The following HEATR5B variants were observed in gnomAD, a reference collection of about 807,000 sequenced individuals.
HEATR5B encodes HEAT repeat-containing protein 5B.
Under a neutral mutation model 224.1 loss-of-function variants are expected in HEATR5B, and 156 were observed. The observed-to-expected ratio is 0.70, with a 90% CI of 0.61 to 0.80. The LOEUF (loss-of-function observed/expected upper bound fraction) is 0.80, where lower values mean the gene tolerates loss of function less well. Ranked by LOEUF, HEATR5B falls within the 30% of genes least tolerant of loss-of-function variation. The pLI, the probability that HEATR5B is intolerant of heterozygous loss-of-function variation, is 0.00. For missense variants in HEATR5B, 2,323 were observed against 2,535.5 expected, an observed-to-expected ratio of 0.92 and a Z score of 1.80; for synonymous variants, 1,027 against 893.0, an observed-to-expected ratio of 1.15 and a Z score of -2.68.
At chr2:37,079,035 G>A (rs1456601674) in intron 3 of HEATR5B, 85 bp downstream of exon 3, 3 of 758,036 alleles carry the variant, frequency 4.0e-6, no homozygotes, top group Non-Finnish European at 6.4e-6. Context: ...CCCACCTGGG[G>A]GTTTTTATGG....
chr2:36,986,346 C>T (rs1572729542), intron 35 of HEATR5B, among the ~76,000 whole-genome samples: 1 of 152,190 alleles, frequency 6.6e-6, no homozygotes, highest in South Asian at 2.1e-4. Context: ...CATAGTAATA[C>T]TTGCTTCTTT....
chr2:37,064,627 T>C, intron 10 of HEATR5B, 113 bp downstream of exon 10: 1 of 985,924 alleles, frequency 1.0e-6, no homozygotes, highest in Non-Finnish European at 1.5e-6. Context: ...TGTTTTATGA[T>C]AACATAGTAC....
At chr2:37,018,087 A>G (rs1296584634) in intron 26 of HEATR5B, among the ~76,000 whole-genome samples, 4 of 152,056 alleles carry the variant, frequency 2.6e-5, no homozygotes, top group Admixed American at 2.0e-4. Context: ...AAGGAAAGGA[A>G]CTTGTAACCT....
intron 30 of HEATR5B, 51 bp downstream of exon 30, chr2:37,005,581 C>A: frequency 6.5e-7 from 1 of 1,549,720 alleles, no homozygotes; most frequent in Non-Finnish European, 8.8e-7. Context: ...CATTGTAAAG[C>A]AATACTCAAA....
intron 5 of HEATR5B, among the ~76,000 whole-genome samples, chr2:37,074,727 A>G (rs1444185673): frequency 6.6e-6 from 1 of 152,258 alleles, no homozygotes; most frequent in Non-Finnish European, 1.5e-5. Context: ...CCAATAAAAC[A>G]ATGGACAAAA....
intron 5 of HEATR5B, among the ~76,000 whole-genome samples, chr2:37,074,766 T>C (rs1482929813): frequency 6.6e-6 from 1 of 152,184 alleles, no homozygotes; most frequent in African/African-American, 2.4e-5. Flanking sequence ...TCGAAGAAGA[T>C]ATGGATGGCA....
Position 36,984,215 on chromosome 2 carries a change from A to AAAAAAAAAAAAAAT in HEATR5B, c.5912-2422_5912-2421insATTTTTTTTTTTTT. On this transcript the variant is annotated intron_variant, in intron 35 of 35. Coordinates refer to ENST00000233099, the MANE Select transcript of HEATR5B (RefSeq NM_019024.3). ...AACTCTGTCTCAAAAAAAAAAAAAAAATATATATATATATATATATATAAA... is the reference window on the plus strand; with the variant it reads ...AACTCTGTCTCAAAAAAAAAAAAAAAAAAAAAAAAAAAATATATATATATATATATATATATAAA... Among the ~76,000 whole-genome samples, 327 of 77,568 alleles carry AAAAAAAAAAAAAAT rather than the reference A, an allele frequency of 4.2e-3. 18 individuals carry two copies. Among genetic ancestry groups the AAAAAAAAAAAAAAT allele is most frequent in the African/African-American group, 0.018 (308 of 16,978 alleles). 50.9% of individuals were successfully genotyped at this position (77,568 alleles called of 152,430 possible). A position where few individuals can be genotyped will look rare whatever the true frequency, so the allele number is the denominator to read the frequency against.
In HEATR5B at chr2:37,083,405, C is replaced by A. The variant is rs372207918; in HGVS notation, c.10G>T (p.Ala4Ser). 3.1e-6 allele frequency: 5 copies of A among 1,612,988 alleles called. No individual in the cohort carries two copies. The highest frequency in any genetic ancestry group is 4.2e-6 in the Non-Finnish European group (5 of 1,179,498). MEL[A>S]HSLLLNEEAL... is the part of the protein sequence containing the mutation. ...TCTTCATTTAGCAATAAACTGTGGG[C>A]TAACTCCATTACGGAAGTTTGAAAT... The change falls in exon 2 of 36, where the codon GCC (alanine) becomes TCC (serine). Residue 4 changes from alanine to serine, a missense_variant. This residue lies in a region of HEATR5B where 292 missense variants were observed against 332.6 expected (regional missense o/e 0.88). Transcript: ENST00000233099.
At chr2:37,018,049 T>C (rs1406154991) in intron 26 of HEATR5B, among the ~76,000 whole-genome samples, 1 of 152,042 alleles carries the variant, frequency 6.6e-6, no homozygotes, top group African/African-American at 2.4e-5. Context: ...GGCTGGGATA[T>C]CATTAAGCCA....
At chr2:36,982,842 T>C (rs1447971816) in intron 35 of HEATR5B, among the ~76,000 whole-genome samples, 1 of 142,034 alleles carries the variant, frequency 7.0e-6, no homozygotes, top group Non-Finnish European at 1.6e-5. Context: ...AAGATACATG[T>C]CTACATATAA....
intron 35 of HEATR5B, among the ~76,000 whole-genome samples, chr2:36,984,880 A>G (rs1388628278): frequency 2.0e-5 from 3 of 152,200 alleles, no homozygotes; most frequent in Non-Finnish European, 4.4e-5. Flanking sequence ...GTGATTAGAT[A>G]TAAGAATAAG....
At chr2:37,065,725 C>T in intron 9 of HEATR5B, 30 bp downstream of exon 9, 1 of 1,582,622 alleles carries the variant, frequency 6.3e-7, no homozygotes, top group Non-Finnish European at 8.6e-7. Context: ...AAAGTGGAAA[C>T]ACATACTAGC....
At chr2:37,003,946 T>C (rs1296531773) in intron 30 of HEATR5B, among the ~76,000 whole-genome samples, 2 of 152,172 alleles carry the variant, frequency 1.3e-5, no homozygotes, top group South Asian at 2.1e-4. Context: ...CATTCTCCTA[T>C]TGGAAGGAAA....
At chr2:37,036,647 GATT>G in intron 21 of HEATR5B, among the ~76,000 whole-genome samples, 1 of 152,094 alleles carries the variant, frequency 6.6e-6, no homozygotes, top group East Asian at 1.9e-4. Context: ...GAGTAGCTGA[GATT>G]ATAGGCACCC....
chr2:37,053,227 G>A (rs1370419250), intron 17 of HEATR5B, among the ~76,000 whole-genome samples: 5 of 152,180 alleles, frequency 3.3e-5, no homozygotes, highest in Non-Finnish European at 5.9e-5. Context: ...GATTTCATTC[G>A]TCAAACATCT....
chr2:36,995,941 A>G (rs552593451), intron 33 of HEATR5B, among the ~76,000 whole-genome samples: 1 of 152,260 alleles, frequency 6.6e-6, no homozygotes, highest in Admixed American at 6.5e-5. Context: ...GCTGGAGTGC[A>G]GTGGTGCGAT....
chr2:37,006,171 T>C (rs1015646166), intron 29 of HEATR5B, among the ~76,000 whole-genome samples: 9 of 152,222 alleles, frequency 5.9e-5, no homozygotes, highest in Non-Finnish European at 8.8e-5. Flanking sequence ...ATGGGTATCA[T>C]AGTAAACAAC....
At chr2:36,984,221 T>A (rs893932567) in intron 35 of HEATR5B, among the ~76,000 whole-genome samples, 3,336 of 68,390 alleles carry the variant, frequency 0.049, 172 homozygotes, top group African/African-American at 0.061. Flanking sequence ...AAAAAATATA[T>A]ATATATATAT....
chr2:37,064,812 A>G lies in HEATR5B; in HGVS notation c.1512T>C (p.Tyr504=), dbSNP rs369892643. ...CTAACAAAGCAGCCATTGCAAAACT[A>G]TATCCACTGACAGCTTCTGGTGAGG... ...LKTSPEAVSG[Y]SFAMAALLGG... is the part of the protein sequence containing the mutation. The change falls in exon 10 of 36, where the codon TAT becomes TAC. Residue 504 remains tyrosine (Y), a synonymous_variant. Coordinates refer to ENST00000233099, the MANE Select transcript of HEATR5B (RefSeq NM_019024.3). 1 of 1,613,894 alleles carries G rather than the reference A, an allele frequency of 6.2e-7. No individual in the cohort carries two copies. The highest frequency in any genetic ancestry group is 8.5e-7 in the Non-Finnish European group (1 of 1,179,996).
Sources: allele counts gnomAD v4.1 joint callset (sites outside exome capture counted in the v4.1 genomes callset), GRCh38; gene constraint gnomAD v4.1.1; regional missense constraint gnomAD v4.1.1; transcripts MANE v1.5; gene names NCBI Gene and HGNC (gene_info 2026-07-23, HGNC 2026-07-21).